CENPP: variants seen among roughly 807,000 people sequenced by gnomAD.
CENPP encodes centromere protein P.
Under a neutral mutation model 35.6 loss-of-function variants are expected in CENPP, and 24 were observed. The observed-to-expected ratio is 0.67, with a 90% confidence interval of 0.49 to 0.95. The LOEUF (loss-of-function observed/expected upper bound fraction) is 0.95, where lower values mean the gene tolerates loss of function less well. CENPP is among the 40% of genes least tolerant of loss of function. CENPP has a pLI of 0.00. For synonymous variants in CENPP, 120 were observed against 125.5 expected, an observed-to-expected ratio of 0.96 and a Z score of 0.29; for missense variants, 332 against 345.3, an observed-to-expected ratio of 0.96 and a Z score of 0.31.
chr9:92,329,622 C>T (rs1418567868), intron 1 of CENPP, among the ~76,000 whole-genome samples: 1 of 152,118 alleles, frequency 6.6e-6, no homozygotes, highest in African/African-American at 2.4e-5. Context: ...GCAACCTTCA[C>T]CCACCTCCCA....
intron 5 of CENPP, among the ~76,000 whole-genome samples, chr9:92,480,031 T>C (rs1000034795): frequency 6.6e-6 from 1 of 152,220 alleles, no homozygotes; most frequent in African/African-American, 2.4e-5. Flanking sequence ...TTGGCTGTTT[T>C]ATTTTGAGTT....
chr9:92,605,693 T>G (rs1341887085), intron 5 of CENPP, among the ~76,000 whole-genome samples: 1 of 152,114 alleles, frequency 6.6e-6, no homozygotes, highest in Non-Finnish European at 1.5e-5. Flanking sequence ...ACTGTAAAAC[T>G]CTTAGAATTA....
intron 5 of CENPP, among the ~76,000 whole-genome samples, chr9:92,453,089 C>G (rs912617227): frequency 1.3e-5 from 2 of 151,942 alleles, no homozygotes; most frequent in South Asian, 2.1e-4. Flanking sequence ...TTTTTTATGT[C>G]TCTATTTCCT....
At chr9:92,564,396 A>AT (rs1397060627) in intron 5 of CENPP, among the ~76,000 whole-genome samples, 2 of 152,140 alleles carry the variant, frequency 1.3e-5, no homozygotes, top group East Asian at 1.9e-4. Flanking sequence ...CTCAAAAAAA[A>AT]AAAATAAAAT....
At chr9:92,472,465 C>G (rs781281407) in intron 5 of CENPP, among the ~76,000 whole-genome samples, 8 of 152,058 alleles carry the variant, frequency 5.3e-5, no homozygotes, top group Non-Finnish European at 1.0e-4. Flanking sequence ...CAAGACCATC[C>G]TGGCCAACAT....
intron 5 of CENPP, among the ~76,000 whole-genome samples, chr9:92,504,819 G>T (rs938456017): frequency 3.9e-5 from 6 of 152,162 alleles, no homozygotes; most frequent in Admixed American, 3.9e-4. Flanking sequence ...GATTACTGGC[G>T]TGAGCCACTG....
At chr9:92,388,164 T>C (rs904344541) in intron 5 of CENPP, among the ~76,000 whole-genome samples, 2 of 151,982 alleles carry the variant, frequency 1.3e-5, no homozygotes, top group African/African-American at 4.8e-5. Context: ...GTTGATCAGC[T>C]CCTTTTTTTT....
intron 5 of CENPP, chr9:92,505,589 G>C: frequency 6.2e-7 from 1 of 1,608,764 alleles, no homozygotes; most frequent in Non-Finnish European, 8.5e-7. Context: ...TTTCCCAGAC[G>C]CAAGTAGGCT....
intron 5 of CENPP, among the ~76,000 whole-genome samples, chr9:92,535,443 T>C (rs528289398): frequency 6.6e-6 from 1 of 152,304 alleles, no homozygotes; most frequent in East Asian, 1.9e-4. Context: ...TTACTGTGTT[T>C]ATCCCAACAT....
intron 5 of CENPP, among the ~76,000 whole-genome samples, chr9:92,525,008 G>T (rs1418216383): frequency 6.6e-6 from 1 of 152,154 alleles, no homozygotes; most frequent in Admixed American, 6.5e-5. Flanking sequence ...CATCTTGTTG[G>T]AACCTCAGAA....
At chr9:92,340,047 G>T (rs1277476075) in intron 3 of CENPP, 2 of 153,706 alleles carry the variant, frequency 1.3e-5, no homozygotes, top group South Asian at 4.1e-4. Flanking sequence ...TACCATCTCC[G>T]AAAACATCTG....
At chr9:92,588,233 T>TA in intron 5 of CENPP, among the ~76,000 whole-genome samples, 1 of 151,698 alleles carries the variant, frequency 6.6e-6, no homozygotes, top group South Asian at 2.1e-4. Context: ...GCTGTGAGTT[T>TA]TTTGTTTGTT....
chr9:92,374,415 A>G (rs1164038728), intron 4 of CENPP, among the ~76,000 whole-genome samples: 3 of 152,134 alleles, frequency 2.0e-5, no homozygotes, highest in Non-Finnish European at 4.4e-5. Context: ...CATGTTGGTC[A>G]GGCTGGTCTC....
intron 5 of CENPP, chr9:92,386,235 T>G: frequency 6.2e-7 from 1 of 1,613,384 alleles, no homozygotes; most frequent in Non-Finnish European, 8.5e-7. Flanking sequence ...TTCTGGTAAA[T>G]TAAGAGGCAC....
At chr9:92,438,117 A>AT (rs1228457720) in intron 5 of CENPP, among the ~76,000 whole-genome samples, 2 of 152,058 alleles carry the variant, frequency 1.3e-5, no homozygotes, top group African/African-American at 4.8e-5. Context: ...CCAATTTATG[A>AT]TTTTTTATCT....
chr9:92,375,469 T>G (rs7042414), intron 4 of CENPP, among the ~76,000 whole-genome samples: 2,791 of 150,902 alleles, frequency 0.018, 51 homozygotes, highest in Non-Finnish European at 0.03. Flanking sequence ...ATTTTTGTGG[T>G]TTTTTTTTAA....
intron 5 of CENPP, among the ~76,000 whole-genome samples, chr9:92,433,595 T>G (rs1460018434): frequency 6.6e-6 from 1 of 152,210 alleles, no homozygotes; most frequent in African/African-American, 2.4e-5. Context: ...CTGAAATGTT[T>G]TATAAATGGT....
chr9:92,388,422 A>G (rs2130887537), intron 5 of CENPP, among the ~76,000 whole-genome samples: 1 of 152,076 alleles, frequency 6.6e-6, no homozygotes, highest in South Asian at 2.1e-4. Context: ...TCATCCTCCT[A>G]AAGTGCTGGG....
intron 5 of CENPP, among the ~76,000 whole-genome samples, chr9:92,526,057 A>G (rs1848391632): frequency 6.6e-6 from 1 of 152,150 alleles, no homozygotes; most frequent in Non-Finnish European, 1.5e-5. Context: ...TTAACTGCGC[A>G]ACAGCCTGAG....
Sources: allele counts gnomAD v4.1 joint callset (sites outside exome capture counted in the v4.1 genomes callset), GRCh38; gene constraint gnomAD v4.1.1; transcripts MANE v1.5; gene names NCBI Gene and HGNC (gene_info 2026-07-23, HGNC 2026-07-21).